The following EPSTI1 variants were observed in gnomAD, a reference collection of about 807,000 sequenced individuals.
EPSTI1 encodes epithelial stromal interaction 1.
EPSTI1 carries 66 observed loss-of-function variants against 49.9 expected under a neutral mutation model. The observed-to-expected ratio is 1.32, with a 90% CI of 1.08 to 1.62. The LOEUF is 1.62. EPSTI1 is among the 40% of genes most tolerant of loss of function. The probability of loss-of-function intolerance (pLI) is 0.00; values close to 1 mark genes in which losing one functional copy is unlikely to be tolerated. For missense variants in EPSTI1, 394 were observed against 365.5 expected (o/e 1.08, Z -0.64); for synonymous variants, 137 against 130.7 (o/e 1.05, Z -0.33).
intron 5 of EPSTI1, among the ~76,000 whole-genome samples, chr13:42,959,429 T>C (rs2039375701): frequency 6.6e-6 from 1 of 152,190 alleles, no homozygotes; most frequent in Admixed American, 6.5e-5. Flanking sequence ...ATAAACAACA[T>C]TGAAATAACT....
chr13:42,963,308 T>C lies in EPSTI1; in HGVS notation c.436A>G (p.Lys146Glu). 2 of 1,613,552 alleles carry C rather than the reference T, an allele frequency of 1.2e-6. No individual in the cohort carries two copies. The highest frequency in any genetic ancestry group is 2.2e-5 in the South Asian group (2 of 90,968). The stretch of plus-strand genomic sequence containing the variant: ...TGGAGTTCAGCTTCTTCAGCTTCCT[T>C]CTTGATTCTTACAGATTCTTCTCTT... ...LKREESVRIKKEAEEAELQKM... is the reference protein window; with the variant it reads ...LKREESVRIKEEAEEAELQKM... Residue 146 changes from lysine (K) to glutamate (E), a missense_variant, in exon 5 of 11, where the codon AAG (lysine) becomes GAG (glutamate). Physicochemically the swap from Lys to Glu is moderately conservative, Grantham distance 56. Transcript: ENST00000313624.
In EPSTI1 at chr13:42,982,241, T is replaced by G. The variant is rs188393626; in HGVS notation, c.188+9737A>C. Reference sequence around the variant, plus strand: ...AGATGGCAACGAGAGTGACCTCTGGTTTTCCTCAAAGCTACACTCCCACCA... The same window carrying G: ...AGATGGCAACGAGAGTGACCTCTGGGTTTCCTCAAAGCTACACTCCCACCA... On this transcript the variant is annotated intron_variant, in intron 1 of 10. Coordinates refer to ENST00000313624, the MANE Select transcript of EPSTI1 (RefSeq NM_033255.5). Among the ~76,000 whole-genome samples, 79 of 152,194 alleles carry G rather than the reference T, an allele frequency of 5.2e-4. 2 individuals are homozygous for G. Among genetic ancestry groups the G allele is most frequent in the African/African-American group, 1.8e-3 (75 of 41,530 alleles).
chr13:42,986,011 T>C (rs910806821), intron 1 of EPSTI1, among the ~76,000 whole-genome samples: 14 of 152,220 alleles, frequency 9.2e-5, no homozygotes, highest in Non-Finnish European at 1.8e-4. Flanking sequence ...GCAAGTGCCA[T>C]TGTCAGTGTA....
Position 42,900,222 on chromosome 13 carries a change from T to C in EPSTI1, c.815+88A>G, listed in dbSNP as rs186513840. On this transcript the variant is annotated intron_variant, in intron 9 of 10. Transcript: ENST00000313624. Reference sequence around the variant, plus strand: ...ACGCATTCCAAAACCATATTAATAATGTTATCGTAATGCTTTCCTAAAACA... The same window carrying C: ...ACGCATTCCAAAACCATATTAATAACGTTATCGTAATGCTTTCCTAAAACA... 4.2e-4 allele frequency: 496 copies of C among 1,172,692 alleles called. No individual in the cohort carries two copies. In the African/African-American group the frequency reaches 6.7e-3, roughly 16 times the overall value. The allele number at this position is 1,172,692 out of a possible 1,614,324, so 72.6% of individuals were successfully genotyped here. A position where few individuals can be genotyped will look rare whatever the true frequency, so the allele number is the denominator to read the frequency against.
intron 6 of EPSTI1, among the ~76,000 whole-genome samples, chr13:42,943,587 T>C (rs1284382368): frequency 3.9e-5 from 6 of 152,206 alleles, no homozygotes; most frequent in Admixed American, 6.5e-5. Flanking sequence ...CCAGATCCCC[T>C]GCCCTCCCAA....
chr13:42,990,175 GAAAA>G (rs35599695), intron 1 of EPSTI1, among the ~76,000 whole-genome samples: 2 of 112,610 alleles, frequency 1.8e-5, no homozygotes, highest in African/African-American at 3.1e-5. Flanking sequence ...TTCACATGAG[GAAAA>G]AAAAAAAAAA....
intron 7 of EPSTI1, among the ~76,000 whole-genome samples, chr13:42,923,139 G>T (rs1447937477): frequency 6.6e-6 from 1 of 152,212 alleles, no homozygotes; most frequent in African/African-American, 2.4e-5. Context: ...ACAGAGAGAG[G>T]AAAGGACTTT....
Position 42,967,307 on chromosome 13 carries a change from A to G in EPSTI1, c.331+1787T>C, listed in dbSNP as rs1431110556. On this transcript the variant is annotated intron_variant, in intron 3 of 10. Coordinates refer to ENST00000313624, the MANE Select transcript of EPSTI1 (RefSeq NM_033255.5). ...AATAAATTAAAAAAAAAAAAAAAAA[A>G]AAAAGAAAATCAGCTGGAGACCTCA... 2.4e-4 allele frequency among the ~76,000 whole-genome samples: 6 copies of G among 25,458 alleles called. 1 individual carries two copies. Among genetic ancestry groups the G allele is most frequent in the South Asian group, 2.8e-3 (1 of 358 alleles). The allele number at this position is 25,458 out of a possible 152,430, so 16.7% of individuals were successfully genotyped here.
chr13:42,963,992 T>A, intron 4 of EPSTI1, 74 bp downstream of exon 4: 1 of 1,282,226 alleles, frequency 7.8e-7, no homozygotes, highest in Non-Finnish European at 1.1e-6. Context: ...GTTACTGTGT[T>A]ATTTCACAGT....
chr13:42,900,431 G>T, intron 8 of EPSTI1, 48 bp from the exon 9 acceptor site: 1 of 1,530,634 alleles, frequency 6.5e-7, no homozygotes, highest in Non-Finnish European at 9.0e-7. Context: ...TAACACAGTT[G>T]TACAGAAGAT....
At chr13:42,986,244 C>CCAA (rs749939553) in intron 1 of EPSTI1, among the ~76,000 whole-genome samples, 24 of 152,174 alleles carry the variant, frequency 1.6e-4, no homozygotes, top group Non-Finnish European at 1.6e-4. Context: ...CTCTGGCTGT[C>CCAA]CAGAGGCCAT....
intron 7 of EPSTI1, among the ~76,000 whole-genome samples, chr13:42,923,845 C>T (rs904898201): frequency 6.6e-6 from 1 of 152,104 alleles, no homozygotes; most frequent in Non-Finnish European, 1.5e-5. Context: ...TTATTAAATC[C>T]CCATCTGCCA....
chr13:42,953,880 A>G (rs111617419), intron 6 of EPSTI1, 68 bp downstream of exon 6: 1 of 1,268,230 alleles, frequency 7.9e-7, no homozygotes, highest in Non-Finnish European at 1.1e-6. Context: ...AGTTAGCATC[A>G]CCTGAATTTA....
At chr13:42,913,815 T>C (rs936990780) in intron 8 of EPSTI1, among the ~76,000 whole-genome samples, 1 of 152,228 alleles carries the variant, frequency 6.6e-6, no homozygotes, top group Non-Finnish European at 1.5e-5. Flanking sequence ...AAACCTCATG[T>C]TGAATTGTAA....
intron 1 of EPSTI1, among the ~76,000 whole-genome samples, chr13:42,975,449 G>A (rs1333020018): frequency 6.6e-6 from 1 of 152,116 alleles, no homozygotes; most frequent in Non-Finnish European, 1.5e-5. Context: ...TCTTTCATCA[G>A]CACAACTCAT....
chr13:42,926,591 C>T (rs145584696), intron 6 of EPSTI1, among the ~76,000 whole-genome samples, 162 bp from the exon 7 acceptor site: 186 of 152,278 alleles, frequency 1.2e-3, no homozygotes, highest in African/African-American at 4.4e-3. Context: ...GAAATCAAAA[C>T]AAAATGCTAT....
chr13:42,891,166 T>C (rs1227552568), intron 10 of EPSTI1, among the ~76,000 whole-genome samples: 1 of 152,234 alleles, frequency 6.6e-6, no homozygotes, highest in Non-Finnish European at 1.5e-5. Flanking sequence ...TTTGAATCTA[T>C]GTTTATGAGT....
intron 8 of EPSTI1, among the ~76,000 whole-genome samples, chr13:42,916,465 A>C (rs956249181): frequency 6.6e-6 from 1 of 152,184 alleles, no homozygotes; most frequent in Non-Finnish European, 1.5e-5. Flanking sequence ...GGGGTTCCAC[A>C]CTGTTGGGAA....
At chr13:42,973,205 C>T (rs577867436) in intron 1 of EPSTI1, among the ~76,000 whole-genome samples, 4 of 152,144 alleles carry the variant, frequency 2.6e-5, no homozygotes. Context: ...TTTTTAAGTC[C>T]GACATCATAC....
Sources: gnomAD v4.1 joint callset for allele counts (sites outside exome capture counted in the v4.1 genomes callset) on GRCh38, gnomAD v4.1.1 for gene constraint, MANE v1.5 for transcripts, NCBI Gene and HGNC (gene_info 2026-07-23, HGNC 2026-07-21) for gene names.